CCDC3: variants seen among roughly 807,000 people sequenced by gnomAD.
The protein encoded by CCDC3 is coiled-coil domain-containing protein 3.
Under a neutral mutation model 21.4 loss-of-function variants are expected in CCDC3, and 24 were observed. The observed-to-expected ratio is 1.12, with a 90% CI of 0.81 to 1.58. CCDC3 has a LOEUF of 1.58. Ranked by LOEUF, CCDC3 falls within the 40% of genes most tolerant of loss-of-function variation. CCDC3 has a pLI of 0.00. For synonymous variants in CCDC3, 186 were observed against 166.0 expected, an observed-to-expected ratio of 1.12 and a Z score of -0.93; for missense variants, 425 against 360.9, an observed-to-expected ratio of 1.18 and a Z score of -1.44.
At chr10:13,013,459 A>G (rs1019804492) in intron 5 of CCDC3, among the ~76,000 whole-genome samples, 2 of 152,262 alleles carry the variant, frequency 1.3e-5, no homozygotes, top group African/African-American at 2.4e-5. Flanking sequence ...ATAGAAAACC[A>G]TGAATCAACA....
At chr10:12,917,263 G>A (rs1387514273) in intron 2 of CCDC3, among the ~76,000 whole-genome samples, 19 of 127,694 alleles carry the variant, frequency 1.5e-4, no homozygotes, top group South Asian at 4.9e-4. Context: ...GCGCTATCTC[G>A]GCTCACTGCA....
intron 2 of CCDC3, among the ~76,000 whole-genome samples, chr10:12,947,710 T>C (rs1834936923): frequency 6.6e-6 from 1 of 152,250 alleles, no homozygotes; most frequent in African/African-American, 2.4e-5. Context: ...AATACATTGC[T>C]AAGAGTTGGG....
At chr10:13,090,032 T>TAG (rs1176583197) in intron 3 of CCDC3, among the ~76,000 whole-genome samples, 8 of 3,980 alleles carry the variant, frequency 2.0e-3, no homozygotes, top group African/African-American at 2.4e-3. Flanking sequence ...AGTATTCCGT[T>TAG]AGATATATAT....
chr10:12,936,479 C>A (rs1834740252), intron 2 of CCDC3, among the ~76,000 whole-genome samples: 1 of 152,160 alleles, frequency 6.6e-6, no homozygotes, highest in Admixed American at 6.5e-5. Flanking sequence ...CCCACTTCAG[C>A]CTCCCAAAGT....
chr10:12,945,330 A>AG (rs1834898625), intron 2 of CCDC3, among the ~76,000 whole-genome samples: 1 of 152,152 alleles, frequency 6.6e-6, no homozygotes, highest in Admixed American at 6.5e-5. Context: ...ATAAGGTAGG[A>AG]GAATGTGTTT....
chr10:12,896,640 C>T lies in CCDC3; in HGVS notation c.*1776G>A, dbSNP rs1454931949. 1.3e-5 allele frequency: 2 copies of T among 152,656 alleles called. No homozygotes were observed. Among genetic ancestry groups the T allele is most frequent in the African/African-American group, 4.8e-5 (2 of 41,462 alleles). The allele number at this position is 152,656 out of a possible 1,614,324, so 9.5% of individuals were successfully genotyped here. On this transcript the variant is annotated 3_prime_UTR_variant, in exon 3 of 3. Transcript: ENST00000378825. ...CATCTCACTGTTGTGGTTGAAATCG[C>T]CGCTCGTATTTATTGGAAAAGCAGA... is the stretch of plus-strand genomic sequence containing the variant.
At position 13,047,167 on chromosome 10, in the gene CCDC3, C is replaced by T. The variant is rs145639207; in HGVS notation, c.-2+2507G>A. Among the ~76,000 whole-genome samples the T allele has an allele frequency of 4.2e-3, 631 of 150,990 alleles. 24 individuals carry two copies. In the South Asian group the frequency reaches 0.065, roughly 16 times the overall value. On this transcript the variant is annotated intron_variant, in intron 5 of 6. Coordinates refer to the CCDC3 transcript ENST00000378839. ...TCACCAGAACAATTATAGGAAAGAACGCATGGAAATTGTGGACCCAGAATT... is the reference window on the plus strand; with the variant it reads ...TCACCAGAACAATTATAGGAAAGAATGCATGGAAATTGTGGACCCAGAATT...
rs1832597848 is a variant in CCDC3, at chr10:13,093,279, A to G, written c.-503+5246T>C. ...GCGGCAGGCAAGAGAGAGAATGAGAACCAAGTGAAAGGGGTTTCCCCTTAT... is the reference window on the plus strand; with the variant it reads ...GCGGCAGGCAAGAGAGAGAATGAGAGCCAAGTGAAAGGGGTTTCCCCTTAT... On this transcript the variant is annotated intron_variant, in intron 3 of 6. Coordinates refer to the CCDC3 transcript ENST00000378839. Among the ~76,000 whole-genome samples, 4 of 152,170 alleles carry G rather than the reference A, an allele frequency of 2.6e-5. No individual in the cohort carries two copies. The South Asian group carries it at 6.2e-4, about 24-fold the overall frequency.
rs145052452 is a variant in CCDC3, at chr10:12,924,481, C to T, written c.550-25802G>A. On this transcript the variant is annotated intron_variant, in intron 2 of 2. Transcript: ENST00000378825. ...CCATGGAAGCCAATATGTCACGTTTCACTCAGCCTAAGAATATCTAAACTC... is the reference window on the plus strand; with the variant it reads ...CCATGGAAGCCAATATGTCACGTTTTACTCAGCCTAAGAATATCTAAACTC... Among the ~76,000 whole-genome samples, 831 of 152,330 alleles carry T rather than the reference C, an allele frequency of 5.5e-3. 9 individuals are homozygous for T. Among genetic ancestry groups the T allele is most frequent in the African/African-American group, 0.019 (798 of 41,576 alleles).
intron 5 of CCDC3, among the ~76,000 whole-genome samples, chr10:13,022,338 C>T (rs1278734069): frequency 6.6e-6 from 1 of 152,052 alleles, no homozygotes; most frequent in African/African-American, 2.4e-5. Context: ...CTGTCTTGCT[C>T]CCTCCTTAAA....
intron 4 of CCDC3, among the ~76,000 whole-genome samples, chr10:13,054,002 T>C (rs1380493231): frequency 6.6e-6 from 1 of 151,780 alleles, no homozygotes; most frequent in Non-Finnish European, 1.5e-5. Context: ...AAAAATTAGC[T>C]GGCATGGTGG....
chr10:12,914,272 C>T (rs1173470149), intron 2 of CCDC3, among the ~76,000 whole-genome samples: 2 of 152,098 alleles, frequency 1.3e-5, no homozygotes, highest in Non-Finnish European at 2.9e-5. Context: ...CTGTTCTGTT[C>T]AAATTTTCTG....
At position 12,983,152 on chromosome 10, in the gene CCDC3, A is replaced by ATATATATATATATC. The variant is rs1835531748; in HGVS notation, c.549+15185_549+15186insGATATATATATATA. On this transcript the variant is annotated intron_variant, in intron 2 of 2. Transcript: ENST00000378825. ...AGTGTATATATATATATATATATAT[A>ATATATATATATATC]TATATATATATATATATATATAAAA... Among the ~76,000 whole-genome samples the ATATATATATATATC allele has an allele frequency of 6.1e-5, 4 of 65,080 alleles. No homozygotes were observed. The South Asian group carries it at 1.6e-3, about 26-fold the overall frequency. The allele number at this position is 65,080 out of a possible 152,430, so 42.7% of individuals were successfully genotyped here. A position where few individuals can be genotyped will look rare whatever the true frequency, so the allele number is the denominator to read the frequency against.
chr10:12,966,589 A>G (rs556019249), intron 2 of CCDC3, among the ~76,000 whole-genome samples: 1 of 152,268 alleles, frequency 6.6e-6, no homozygotes, highest in South Asian at 2.1e-4. Flanking sequence ...AGAAAATTTT[A>G]GAGCATCAGA....
rs189857269 is a variant in CCDC3 at position 13,015,836 on chromosome 10, A to G, written c.-1-17324T>C. On this transcript the variant is annotated intron_variant, in intron 5 of 6. Transcript: ENST00000378839. ...TTCGGTGAAAGAGGGGATGGTTAAT[A>G]GGTACAAAAACTAGTTAGAAAGAAT... Among the ~76,000 whole-genome samples the G allele has an allele frequency of 5.5e-4, 83 of 152,136 alleles. 1 individual carries two copies. Among genetic ancestry groups the G allele is most frequent in the Middle Eastern group, 3.4e-3 (1 of 294 alleles).
chr10:12,919,893 G>C (rs965038201), intron 2 of CCDC3, among the ~76,000 whole-genome samples: 1 of 152,126 alleles, frequency 6.6e-6, no homozygotes, highest in African/African-American at 2.4e-5. Flanking sequence ...AAAGAGAGAG[G>C]GAGTTTGACC....
chr10:13,087,069 C>T (rs1437522026), intron 3 of CCDC3, among the ~76,000 whole-genome samples: 1 of 152,170 alleles, frequency 6.6e-6, no homozygotes, highest in East Asian at 1.9e-4. Context: ...AATATAGTCC[C>T]TAGGCTTCTA....
chr10:13,034,189 G>A (rs1246556275), intron 5 of CCDC3, among the ~76,000 whole-genome samples: 2 of 152,138 alleles, frequency 1.3e-5, no homozygotes, highest in East Asian at 1.9e-4. Flanking sequence ...CATGTCTTTT[G>A]TAGGGACGTG....
At chr10:12,937,172 C>T (rs189659717) in intron 2 of CCDC3, among the ~76,000 whole-genome samples, 30 of 151,794 alleles carry the variant, frequency 2.0e-4, no homozygotes, top group South Asian at 4.2e-4. Flanking sequence ...GTTACAGTTC[C>T]GCCTTTCCTA....
Sources: allele counts gnomAD v4.1 joint callset (sites outside exome capture counted in the v4.1 genomes callset), GRCh38; gene constraint gnomAD v4.1.1; transcripts MANE v1.5; gene names NCBI Gene and HGNC (gene_info 2026-07-23, HGNC 2026-07-21).